PHF24: variants seen among roughly 807,000 people sequenced by gnomAD.
PHF24 encodes the protein PHD finger protein 24, also known as Galpha inhibitory interacting protein.
In PHF24, 25 loss-of-function variants were observed where a neutral mutation model predicts 42.6. The ratio of observed to expected loss-of-function variants is 0.59; its 90% CI spans 0.43 to 0.82. The LOEUF is 0.82. Ranked by LOEUF, PHF24 falls within the 40% of genes least tolerant of loss-of-function variation. The pLI is 0.00. For missense variants in PHF24, 470 were observed against 538.1 expected (o/e 0.87, Z 1.25); for synonymous variants, 185 against 204.8 (o/e 0.90, Z 0.83).
chr9:34,758,781 T>A, the PHF24 span, among the ~76,000 whole-genome samples: 6 of 152,108 alleles, frequency 3.9e-5, no homozygotes, highest in Non-Finnish European at 7.4e-5. The surrounding 1 kb of genome is among the most constrained non-coding windows in gnomAD (Gnocchi z 4.4). Flanking sequence ...CTCTCTATAC[T>A]GGGCTCAGGA....
the PHF24 span, chr9:34,922,079 A>G: frequency 3.8e-6 from 4 of 1,044,690 alleles, no homozygotes; most frequent in African/African-American, 3.1e-5. Flanking sequence ...TAGAAGTAAC[A>G]TAAACCTGTC....
chr9:34,922,603 G>A, the PHF24 span: 1 of 957,184 alleles, frequency 1.0e-6, no homozygotes, highest in African/African-American at 1.6e-5. Flanking sequence ...AAGCACTGGG[G>A]ATCAAGAACT....
At chr9:34,764,897 G>A in the PHF24 span, among the ~76,000 whole-genome samples, 1 of 150,742 alleles carries the variant, frequency 6.6e-6, no homozygotes, top group African/African-American at 2.4e-5. Flanking sequence ...CTGGTATGTT[G>A]TGTCTTTGTT....
chr9:34,687,419 C>T, the PHF24 span, among the ~76,000 whole-genome samples: 1 of 152,110 alleles, frequency 6.6e-6, no homozygotes, highest in South Asian at 2.1e-4. Context: ...AAAAATCAAG[C>T]TCCTCTCTCC....
chr9:34,943,395 A>G, the PHF24 span, among the ~76,000 whole-genome samples: 1 of 152,332 alleles, frequency 6.6e-6, no homozygotes, highest in Non-Finnish European at 1.5e-5. Flanking sequence ...GCAGTCAGGA[A>G]CAGGAAAAAA....
chr9:34,733,337 C>G, the PHF24 span, among the ~76,000 whole-genome samples: 1 of 152,068 alleles, frequency 6.6e-6, no homozygotes, highest in Non-Finnish European at 1.5e-5. Flanking sequence ...GCAAAAATCA[C>G]TTATTGATAT....
At chr9:34,840,916 G>T in the PHF24 span, among the ~76,000 whole-genome samples, 2 of 152,130 alleles carry the variant, frequency 1.3e-5, no homozygotes, top group African/African-American at 2.4e-5. Flanking sequence ...TAGTGAAATT[G>T]CTGGGTCAAA....
chr9:34,936,882 C>T, the PHF24 span, among the ~76,000 whole-genome samples: 10 of 151,752 alleles, frequency 6.6e-5, no homozygotes, highest in African/African-American at 1.9e-4. Context: ...GCAGCCGCCC[C>T]GTCTGAGAAG....
At chr9:34,690,324 G>A in the PHF24 span, 1 of 1,613,954 alleles carries the variant, frequency 6.2e-7, no homozygotes, top group Non-Finnish European at 8.5e-7. Flanking sequence ...AGCATCATTG[G>A]TGCCACTCAG....
chr9:34,782,389 G>C, the PHF24 span, among the ~76,000 whole-genome samples: 5 of 152,288 alleles, frequency 3.3e-5, no homozygotes, highest in Non-Finnish European at 5.9e-5. Context: ...TCCATCCACA[G>C]CTCCTCTATT....
At chr9:34,742,434 G>A in the PHF24 span, among the ~76,000 whole-genome samples, 1 of 152,058 alleles carries the variant, frequency 6.6e-6, no homozygotes, top group African/African-American at 2.4e-5. Context: ...TTTCCTCAGA[G>A]TAGATACCTC....
the PHF24 span, among the ~76,000 whole-genome samples, chr9:34,790,466 T>C: frequency 1.3e-5 from 2 of 152,256 alleles, no homozygotes; most frequent in African/African-American, 2.4e-5. Context: ...ATTTTGATTC[T>C]GACAACTTTC....
At chr9:34,967,357 G>A (rs535474585) in intron 1 of PHF24, among the ~76,000 whole-genome samples, 14 of 152,260 alleles carry the variant, frequency 9.2e-5, no homozygotes, top group African/African-American at 3.4e-4. Context: ...AAATATCAGG[G>A]AGCATCACAT....
the PHF24 span, among the ~76,000 whole-genome samples, chr9:34,898,876 A>G: frequency 6.6e-6 from 1 of 152,176 alleles, no homozygotes; most frequent in Non-Finnish European, 1.5e-5. Context: ...CCACCAAGCC[A>G]TTAAAACCAT....
At chr9:34,846,222 TA>T in the PHF24 span, among the ~76,000 whole-genome samples, 1 of 152,214 alleles carries the variant, frequency 6.6e-6, no homozygotes, top group African/African-American at 2.4e-5. Context: ...ACAAACAGTG[TA>T]AAAGTGTTCC....
chr9:34,870,600 C>A, the PHF24 span, among the ~76,000 whole-genome samples: 1 of 142,894 alleles, frequency 7.0e-6, no homozygotes, highest in Admixed American at 7.2e-5. Flanking sequence ...GAGACAGGGT[C>A]TCATCCACCC....
the PHF24 span, chr9:34,894,343 C>A: frequency 1.0e-5 from 4 of 397,414 alleles, no homozygotes; most frequent in Non-Finnish European, 1.8e-5. Context: ...GTCTCCCTCC[C>A]ATCCATTTTC....
At chr9:34,727,860 C>T in the PHF24 span, among the ~76,000 whole-genome samples, 2 of 152,186 alleles carry the variant, frequency 1.3e-5, no homozygotes, top group African/African-American at 4.8e-5. Flanking sequence ...GACATGTGAA[C>T]CCCACTCTTC....
chr9:34,941,756 A>G, the PHF24 span, among the ~76,000 whole-genome samples: 3 of 152,132 alleles, frequency 2.0e-5, no homozygotes, highest in African/African-American at 7.2e-5. Context: ...TCTCTGCCAA[A>G]CAAGCTCCCT....
Sources: allele counts gnomAD v4.1 joint callset (sites outside exome capture counted in the v4.1 genomes callset), GRCh38; gene constraint gnomAD v4.1.1; non-coding constraint Gnocchi (gnomAD v3.1); transcripts MANE v1.5; gene names NCBI Gene and HGNC (gene_info 2026-07-23, HGNC 2026-07-21).